The following NIN variants were observed in gnomAD, a reference collection of about 807,000 sequenced individuals.
The protein encoded by NIN is glycogen synthase kinase 3 beta-interacting protein.
NIN carries 137 observed loss-of-function variants against 257.6 expected under a neutral mutation model. That is an observed-to-expected ratio of 0.53 (90% CI 0.46 to 0.61). The LOEUF (loss-of-function observed/expected upper bound fraction) is 0.61, where lower values mean the gene tolerates loss of function less well. Ranked by LOEUF, NIN falls within the 20% of genes least tolerant of loss-of-function variation. NIN has a pLI of 0.00. For missense variants in NIN, 2,439 were observed against 2,501.2 expected, an observed-to-expected ratio of 0.98 and a Z score of 0.53; for synonymous variants, 918 against 919.8, an observed-to-expected ratio of 1.00 and a Z score of 0.04.
Position 50,792,796 on chromosome 14 carries a change from C to A in NIN, c.351G>T (p.Val117=). ...TCACCGTCACTTCAGGAAACTCCTC[C>A]ACGGACTCTTGGAACTCGGGCAAGG... ...RRSLPEFQES[V]EEFPEVTVIE... is the part of the protein sequence containing the mutation. Residue 117 remains valine (V), a synonymous_variant, in exon 5 of 31, where the codon GTG becomes GTT. Coordinates refer to ENST00000530997, the MANE Select transcript of NIN (RefSeq NM_020921.4). The A allele has an allele frequency of 2.5e-6, 4 of 1,614,210 alleles. No homozygotes were observed. Among genetic ancestry groups the A allele is most frequent in the Non-Finnish European group, 3.4e-6 (4 of 1,180,034 alleles).
chr14:50,794,761 T>TA (rs900112232), intron 4 of NIN, among the ~76,000 whole-genome samples: 5,518 of 125,008 alleles, frequency 0.044, 330 homozygotes, highest in African/African-American at 0.14. Context: ...ATTCAGAGGT[T>TA]AAAAAAAAAA....
intron 28 of NIN, chr14:50,730,954 C>T (rs754229354): frequency 1.5e-6 from 2 of 1,348,108 alleles, no homozygotes; most frequent in South Asian, 1.2e-5. Context: ...GAGAACTGCA[C>T]CCTTCTCTGC....
At chr14:50,823,069 T>C in intron 2 of NIN, 1 of 410,194 alleles carries the variant, frequency 2.4e-6, no homozygotes, top group Non-Finnish European at 4.8e-6. Flanking sequence ...CAGTAAAAAC[T>C]TGGAGACGTC....
intron 5 of NIN, among the ~76,000 whole-genome samples, chr14:50,786,996 C>G (rs2043375119): frequency 6.6e-6 from 1 of 152,144 alleles, no homozygotes; most frequent in Admixed American, 6.5e-5. Context: ...TAACAACCAC[C>G]TCCCCATCCT....
chr14:50,756,407 T>C, intron 18 of NIN, 85 bp downstream of exon 18: 5 of 1,438,446 alleles, frequency 3.5e-6, no homozygotes, highest in Non-Finnish European at 4.7e-6. Context: ...ACTAGGTTAG[T>C]TTCTCTAGGC....
At chr14:50,779,824 G>A (rs1260768198) in intron 5 of NIN, among the ~76,000 whole-genome samples, 1 of 152,138 alleles carries the variant, frequency 6.6e-6, no homozygotes, top group Non-Finnish European at 1.5e-5. Context: ...AGGCAAGAAT[G>A]AGCCTAGTGT....
At chr14:50,811,375 T>C (rs892057777) in intron 3 of NIN, among the ~76,000 whole-genome samples, 2 of 151,414 alleles carry the variant, frequency 1.3e-5, no homozygotes, top group East Asian at 2.0e-4. Flanking sequence ...TCCCAAAGTG[T>C]TGGGATTACA....
rs2040306699 is a variant in NIN at position 50,723,399 on chromosome 14, A to G, written c.*64T>C. On this transcript the variant is annotated 3_prime_UTR_variant, in exon 31 of 31. Coordinates refer to ENST00000530997, the MANE Select transcript of NIN (RefSeq NM_020921.4). ...AGGTTAGGCTTAATTTTAAGTTGAG[A>G]ACCTACTGAAATGTTCATCTATTTC... The G allele has an allele frequency of 6.4e-6, 9 of 1,407,352 alleles. No individual in the cohort carries two copies. The highest frequency in any genetic ancestry group is 2.3e-5 in the East Asian group (1 of 43,710). The allele number at this position is 1,407,352 out of a possible 1,614,324, so 87.2% of individuals were successfully genotyped here.
chr14:50,815,400 G>A (rs1475321162), intron 3 of NIN, among the ~76,000 whole-genome samples: 2 of 152,236 alleles, frequency 1.3e-5, no homozygotes, highest in East Asian at 3.8e-4. Flanking sequence ...ACAGATGCTG[G>A]TGAGGTTGTG....
chr14:50,759,219 A>T (rs1264781112), intron 17 of NIN, among the ~76,000 whole-genome samples: 1 of 152,236 alleles, frequency 6.6e-6, no homozygotes, highest in Admixed American at 6.5e-5. Flanking sequence ...CCAGTTTATT[A>T]ATAGCTTTTC....
chr14:50,737,423 A>G (rs2041033598), intron 27 of NIN, among the ~76,000 whole-genome samples: 2 of 145,822 alleles, frequency 1.4e-5, no homozygotes, highest in Non-Finnish European at 3.0e-5. Flanking sequence ...GAGTTGGACC[A>G]CCCAGCTAAG....
At chr14:50,727,634 G>T in intron 29 of NIN, 1 of 1,444,058 alleles carries the variant, frequency 6.9e-7, no homozygotes, top group South Asian at 1.1e-5. Flanking sequence ...GTGCATGGGT[G>T]GGTGTGTGCA....
intron 3 of NIN, among the ~76,000 whole-genome samples, chr14:50,817,038 C>A (rs1344206570): frequency 6.6e-6 from 1 of 152,110 alleles, no homozygotes; most frequent in East Asian, 1.9e-4. Flanking sequence ...AACCACAGAC[C>A]CTCAGGAGTT....
intron 17 of NIN, among the ~76,000 whole-genome samples, chr14:50,759,479 C>G (rs1052748444): frequency 8.7e-5 from 13 of 149,080 alleles, no homozygotes; most frequent in African/African-American, 3.2e-4. Flanking sequence ...TTCTTCAAGT[C>G]TCTTAAGCGA....
At chr14:50,738,011 G>C in intron 27 of NIN, 129 bp downstream of exon 27, 4 of 880,640 alleles carry the variant, frequency 4.5e-6, no homozygotes, top group Non-Finnish European at 7.0e-6. Context: ...CAAGATAACA[G>C]CATAAAGAGA....
rs1219833763 is a variant in NIN at position 50,758,352 on chromosome 14, T to C, written c.2678A>G (p.Glu893Gly). 6.8e-6 allele frequency: 11 copies of C among 1,614,122 alleles called. No homozygotes were observed. The highest frequency in any genetic ancestry group is 9.3e-6 in the Non-Finnish European group (11 of 1,180,034). ...EKTTSLVLTQ[E>G]REMLEKTYKE... ...GTATGTTTTCTCCAGCATCTCTCTCTCCTGGGTCAGGACCAGAGAAGTTGT... is the reference window on the plus strand; with the variant it reads ...GTATGTTTTCTCCAGCATCTCTCTCCCCTGGGTCAGGACCAGAGAAGTTGT... Residue 893 changes from glutamate (E) to glycine (G), a missense_variant, in exon 18 of 31, where the codon GAG (glutamate) becomes GGG (glycine). Glu to Gly is a moderately conservative substitution (Grantham distance 98). This residue lies in a region of NIN where 2,043 missense variants were observed against 2,050.2 expected (regional missense o/e 1.00). Transcript: ENST00000530997.
chr14:50,786,370 A>G (rs1342629832), intron 5 of NIN, among the ~76,000 whole-genome samples: 1 of 148,780 alleles, frequency 6.7e-6, no homozygotes, highest in African/African-American at 2.5e-5. Context: ...GATAAATATT[A>G]GAAATTGTTG....
Position 50,756,688 on chromosome 14 carries a change from G to T in NIN, c.4342C>A (p.Gln1448Lys). Reference protein sequence around the residue: ...LGFQDKHFQHQATIAELELEK... With the variant: ...LGFQDKHFQHKATIAELELEK... ...AGTTCTAACTCTGCTATGGTGGCCT[G>T]ATGCTGAAAATGTTTGTCTTGAAAG... The change falls in exon 18 of 31, where the codon CAG becomes AAG. Residue 1448 changes from glutamine (Q) to lysine (K), a missense_variant. This residue lies in a region of NIN where 2,043 missense variants were observed against 2,050.2 expected (regional missense o/e 1.00). Transcript: ENST00000530997. The T allele has an allele frequency of 6.4e-7, 1 of 1,551,774 alleles. No homozygotes were observed. Among genetic ancestry groups the T allele is most frequent in the South Asian group, 1.2e-5 (1 of 84,108 alleles).
chr14:50,802,087 T>C (rs1018958235), intron 4 of NIN, among the ~76,000 whole-genome samples: 2 of 152,188 alleles, frequency 1.3e-5, no homozygotes, highest in African/African-American at 2.4e-5. Flanking sequence ...CCACGGCAAA[T>C]TGAATAAATA....
Sources: gnomAD v4.1 joint callset for allele counts (sites outside exome capture counted in the v4.1 genomes callset) on GRCh38, gnomAD v4.1.1 for gene constraint, gnomAD v4.1.1 regional missense constraint, MANE v1.5 for transcripts, NCBI Gene and HGNC (gene_info 2026-07-23, HGNC 2026-07-21) for gene names.